The following RAB11FIP5 variants were observed in gnomAD, a reference collection of about 807,000 sequenced individuals.
RAB11FIP5 encodes RAB11 family interacting protein 5.
In RAB11FIP5, 48 loss-of-function variants were observed where a neutral mutation model predicts 85.1. The observed-to-expected ratio is 0.56, with a 90% CI of 0.45 to 0.72. The LOEUF is 0.72. Ranked by LOEUF, RAB11FIP5 falls within the 30% of genes least tolerant of loss-of-function variation. RAB11FIP5 has a pLI of 0.00. For synonymous variants in RAB11FIP5, 729 were observed against 727.3 expected (o/e 1.00, Z -0.04); for missense variants, 1,491 against 1,687.0 (o/e 0.88, Z 2.04).
chr2:73,109,437 C>T (rs190655200), intron 1 of RAB11FIP5, among the ~76,000 whole-genome samples: 64 of 152,336 alleles, frequency 4.2e-4, no homozygotes, highest in Middle Eastern at 6.8e-3. Context: ...ATCTGTACAA[C>T]TCTATGATTA....
chr2:73,075,910 C>T lies in RAB11FIP5; in HGVS notation c.3771+83G>A. The T allele has an allele frequency of 6.6e-7, 1 of 1,523,896 alleles. No individual in the cohort carries two copies. The highest frequency in any genetic ancestry group is 8.9e-7 in the Non-Finnish European group (1 of 1,122,522). The allele number at this position is 1,523,896 out of a possible 1,614,324, so 94.4% of individuals were successfully genotyped here. ...CTGATATGGGGGACCTGGCCTGCTC[C>T]CTGCCCCACCCTCACCAGGACCAAG... On this transcript the variant is annotated intron_variant, in intron 5 of 5. Transcript: ENST00000486777. This position sits in a 1 kb window ranked among gnomAD's most constrained non-coding sequence, Gnocchi z 4.6.
Position 73,088,960 on chromosome 2 carries a change from C to G in RAB11FIP5, c.787G>C (p.Gly263Arg), listed in dbSNP as rs768652292. 3 of 1,613,464 alleles carry G rather than the reference C, an allele frequency of 1.9e-6. No homozygotes were observed. The South Asian group carries it at 3.3e-5, about 18-fold the overall frequency. The change falls in exon 2 of 6, where the codon GGG becomes CGG. Residue 263 changes from glycine (G) to arginine (R), a missense_variant. Gly to Arg is a moderately radical substitution (Grantham distance 125). This residue lies in a region of RAB11FIP5 where 1,211 missense variants were observed against 1,338.0 expected (regional missense o/e 0.91). Transcript: ENST00000486777. ...CCAGGTCCCTGGTAGGCCAAGCTCC[C>G]GCTGGCTGAGGACAGGGTGCTGTCC... ...GSDSTLSSAS[G>R]SLAYQGPGAE... is the part of the protein sequence containing the mutation.
chr2:73,092,264 G>A, intron 1 of RAB11FIP5, among the ~76,000 whole-genome samples: 1 of 152,168 alleles, frequency 6.6e-6, no homozygotes, highest in East Asian at 1.9e-4. Context: ...GAGTAACTAG[G>A]ATCAGCAAGC....
intron 2 of RAB11FIP5, 39 bp from the exon 3 acceptor site, chr2:73,088,788 A>G (rs2106110142): frequency 1.3e-6 from 2 of 1,542,774 alleles, no homozygotes; most frequent in Non-Finnish European, 1.7e-6. Context: ...GCAGGAAGAG[A>G]GGCCCCATTT....
Position 73,081,143 on chromosome 2 carries a change from G to A in RAB11FIP5, c.2089C>T (p.Gln697Ter), listed in dbSNP as rs1040314734. 8.1e-7 allele frequency: 1 copy of A among 1,233,182 alleles called. No homozygotes were observed. The highest frequency in any genetic ancestry group is 1.0e-6 in the Non-Finnish European group (1 of 988,904). The allele number at this position is 1,233,182 out of a possible 1,614,324, so 76.4% of individuals were successfully genotyped here. Residue 697 changes from glutamine to a stop codon, truncating the protein, a stop_gained, in exon 4 of 6, where the codon CAG becomes TAG. Coordinates refer to ENST00000486777, the MANE Select transcript of RAB11FIP5 (RefSeq NM_001371272.1). LOFTEE classifies it high-confidence loss of function. This position sits in a 1 kb window ranked among gnomAD's most constrained non-coding sequence, Gnocchi z 4.2. ...CCTCCTCCTCCCCCAGGCTCTCCCT[G>A]GGGCTCAGCTGCCTTCGCAGTCATG... ...GAMTAKAAEPQGEPGGGGGGG... is the reference protein window; with the variant it reads ...GAMTAKAAEP
Position 73,089,327 on chromosome 2 carries a change from G to C in RAB11FIP5, c.432-12C>G. On this transcript the variant is annotated splice_polypyrimidine_tract_variant and intron_variant, in intron 1 of 5. Transcript: ENST00000486777. The surrounding 1 kb of genome is among the most constrained non-coding windows in gnomAD (Gnocchi z 4.6). ...GCAGCTTGTACCACCTGTGAGAAGA[G>C]GGGAGCAGGCAGAACTCAGTCACGG... is the stretch of plus-strand genomic sequence containing the variant. The C allele has an allele frequency of 1.2e-6, 2 of 1,612,068 alleles. No individual in the cohort carries two copies. The highest frequency in any genetic ancestry group is 1.7e-6 in the Non-Finnish European group (2 of 1,179,866).
chr2:73,101,212 C>T (rs1479762102), intron 1 of RAB11FIP5, among the ~76,000 whole-genome samples: 2 of 151,806 alleles, frequency 1.3e-5, no homozygotes, highest in Non-Finnish European at 2.9e-5. Flanking sequence ...CAGGCCATCA[C>T]GAGGAACCAA....
At chr2:73,112,034 T>C (rs569225067) in intron 1 of RAB11FIP5, among the ~76,000 whole-genome samples, 1 of 152,286 alleles carries the variant, frequency 6.6e-6, no homozygotes, top group African/African-American at 2.4e-5. Context: ...TTTCCCTTCT[T>C]GAGGTTTCCA....
rs185927459 is a variant in RAB11FIP5, at chr2:73,094,956, C to G, written c.432-5641G>C. 8.4e-4 allele frequency among the ~76,000 whole-genome samples: 127 copies of G among 151,976 alleles called. No individual in the cohort carries two copies. In the South Asian group the frequency reaches 0.011, roughly 13 times the overall value. ...CAGAAACCACTGGAGAAACAACACT[C>G]TCACCAAACCAGGAGGAAGGACAGT... On this transcript the variant is annotated intron_variant, in intron 1 of 5. Transcript: ENST00000486777.
chr2:73,075,257 C>T lies in RAB11FIP5; in HGVS notation c.*264G>A. ...GGGAAGAGTTCCAATTCCCTGGGGC[C>T]CCCAAAGCTGAGGGATATGAAAACA... is the stretch of plus-strand genomic sequence containing the variant. On this transcript the variant is annotated 3_prime_UTR_variant, in exon 6 of 6. Transcript: ENST00000486777. This position sits in a 1 kb window ranked among gnomAD's most constrained non-coding sequence, Gnocchi z 4.6. The T allele has an allele frequency of 1.4e-6, 1 of 692,270 alleles. No homozygotes were observed. Among genetic ancestry groups the T allele is most frequent in the Non-Finnish European group, 2.6e-6 (1 of 378,752 alleles). The allele number at this position is 692,270 out of a possible 1,614,324, so 42.9% of individuals were successfully genotyped here. A position where few individuals can be genotyped will look rare whatever the true frequency, so the allele number is the denominator to read the frequency against.
Position 73,086,168 on chromosome 2 carries a change from A to G in RAB11FIP5, c.1568+1882T>C, listed in dbSNP as rs985858812. On this transcript the variant is annotated intron_variant, in intron 3 of 5. Transcript: ENST00000486777. The surrounding 1 kb of genome is among the most constrained non-coding windows in gnomAD (Gnocchi z 4.4). ...CAGGCCAGGCCATCTTACCCAAAGC[A>G]CAGCCCCTCCCACCCCATCTGCATG... Among the ~76,000 whole-genome samples the G allele has an allele frequency of 8.5e-5, 13 of 152,162 alleles. No homozygotes were observed. Among genetic ancestry groups the G allele is most frequent in the African/African-American group, 3.1e-4 (13 of 41,428 alleles).
chr2:73,091,200 A>G (rs1200100729), intron 1 of RAB11FIP5, among the ~76,000 whole-genome samples: 1 of 152,244 alleles, frequency 6.6e-6, no homozygotes, highest in African/African-American at 2.4e-5. Context: ...TAAGACAGAC[A>G]CATGCCAACA....
In RAB11FIP5 at chr2:73,079,639, GT is replaced by G; in HGVS notation, c.3581+11del. ...CTTCCTCCTGGACAGTGTTCTGGGG[GT>G]GGATGCTCACCTGGCACTGGGCTGT... On this transcript the variant is annotated intron_variant, in intron 4 of 5. Transcript: ENST00000486777. The G allele has an allele frequency of 8.1e-7, 1 of 1,232,864 alleles. No individual in the cohort carries two copies. 76.4% of individuals were successfully genotyped at this position (1,232,864 alleles called of 1,614,324 possible).
rs1175407730 is a variant in RAB11FIP5 at position 73,089,180 on chromosome 2, G to C, written c.567C>G (p.Pro189=). 6 of 1,614,108 alleles carry C rather than the reference G, an allele frequency of 3.7e-6. No individual in the cohort carries two copies. The highest frequency in any genetic ancestry group is 4.2e-6 in the Non-Finnish European group (5 of 1,180,044). The change falls in exon 2 of 6, where the codon CCC becomes CCG. Residue 189 remains proline, a synonymous_variant. Coordinates refer to ENST00000486777, the MANE Select transcript of RAB11FIP5 (RefSeq NM_001371272.1). This position sits in a 1 kb window ranked among gnomAD's most constrained non-coding sequence, Gnocchi z 4.6. The part of the protein sequence containing the change: ...DLSMKDKPRS[P]FSKIRDKMKG... Reference sequence around the variant, plus strand: ...TCATCTTGTCCCTGATCTTGCTGAAGGGAGACCTTGGCTTGTCCTTCATGG... The same window carrying C: ...TCATCTTGTCCCTGATCTTGCTGAACGGAGACCTTGGCTTGTCCTTCATGG...
Position 73,088,745 on chromosome 2 carries a change from C to T in RAB11FIP5, c.873G>A (p.Arg291=), listed in dbSNP as rs368088275. 50 of 1,585,518 alleles carry T rather than the reference C, an allele frequency of 3.2e-5. No homozygotes were observed. The Middle Eastern group carries it at 1.0e-3, about 32-fold the overall frequency. ...ACAGCTTGGGGGACTGTGCAGAGTC[C>T]CTGCCTGCAGGGGAAACACACAGAG... The part of the protein sequence containing the change: ...RSSWLSTEGG[R]DSAQSPKLFT... The change falls in exon 3 of 6, where the codon AGG becomes AGA. Residue 291 remains arginine (R), a synonymous_variant. Coordinates refer to ENST00000486777, the MANE Select transcript of RAB11FIP5 (RefSeq NM_001371272.1).
At position 73,088,274 on chromosome 2, in the gene RAB11FIP5, T is replaced by C; in HGVS notation, c.1344A>G (p.Ala448=). Residue 448 remains alanine, a synonymous_variant, in exon 3 of 6, where the codon GCA becomes GCG. Coordinates refer to ENST00000486777, the MANE Select transcript of RAB11FIP5 (RefSeq NM_001371272.1). ...TPIVASSEAV[A]EKEGARKEER... ...CCTCCTTCCGGGCTCCCTCCTTCTCTGCCACAGCCTCAGAGGAGGCCACTA... is the reference window on the plus strand; with the variant it reads ...CCTCCTTCCGGGCTCCCTCCTTCTCCGCCACAGCCTCAGAGGAGGCCACTA... The C allele has an allele frequency of 1.2e-6, 2 of 1,613,970 alleles. No homozygotes were observed. Among genetic ancestry groups the C allele is most frequent in the South Asian group, 2.2e-5 (2 of 91,092 alleles).
intron 1 of RAB11FIP5, among the ~76,000 whole-genome samples, chr2:73,106,571 C>T (rs986258513): frequency 6.6e-6 from 1 of 152,226 alleles, no homozygotes; most frequent in Non-Finnish European, 1.5e-5. Context: ...ACTACCCTTC[C>T]AGGTCAGCAG....
At chr2:73,109,562 C>G (rs1299609876) in intron 1 of RAB11FIP5, among the ~76,000 whole-genome samples, 5 of 152,220 alleles carry the variant, frequency 3.3e-5, no homozygotes, top group African/African-American at 1.2e-4. Flanking sequence ...GGCCATCCTT[C>G]CTTCCCAACA....
chr2:73,110,702 G>A (rs1170291887), intron 1 of RAB11FIP5, among the ~76,000 whole-genome samples: 2 of 152,196 alleles, frequency 1.3e-5, no homozygotes, highest in African/African-American at 2.4e-5. Flanking sequence ...AAGATCCAGA[G>A]GCCAAGAGGA....
Sources: allele counts gnomAD v4.1 joint callset (sites outside exome capture counted in the v4.1 genomes callset), GRCh38; gene constraint gnomAD v4.1.1; regional missense constraint gnomAD v4.1.1; non-coding constraint Gnocchi (gnomAD v3.1); transcripts MANE v1.5; gene names NCBI Gene and HGNC (gene_info 2026-07-23, HGNC 2026-07-21).